Variants in KCNH7 observed in about 807,000 individuals in gnomAD.
The protein encoded by KCNH7 is potassium voltage-gated channel subfamily H member 7.
KCNH7 carries 49 observed loss-of-function variants against 120.8 expected under a neutral mutation model. The observed-to-expected ratio is 0.41, with a 90% CI of 0.32 to 0.51. The LOEUF (loss-of-function observed/expected upper bound fraction) is 0.51, where lower values mean the gene tolerates loss of function less well. KCNH7 is among the 20% of genes least tolerant of loss of function. KCNH7 has a pLI of 0.38. For synonymous variants in KCNH7, 547 were observed against 516.1 expected, an observed-to-expected ratio of 1.06 and a Z score of -0.81; for missense variants, 1,097 against 1,446.6, an observed-to-expected ratio of 0.76 and a Z score of 3.92.
chr2:162,556,976 T>C (rs1004300068), intron 2 of KCNH7, among the ~76,000 whole-genome samples: 4 of 152,204 alleles, frequency 2.6e-5, no homozygotes, highest in Non-Finnish European at 5.9e-5. Context: ...AGCAGATCAG[T>C]TGGTGTTCTG....
intron 6 of KCNH7, among the ~76,000 whole-genome samples, chr2:162,463,043 C>T (rs78038088): frequency 0.037 from 5,696 of 152,006 alleles, 161 homozygotes; most frequent in Non-Finnish European, 0.055. Context: ...CTTACTTGGT[C>T]GGGCCAGGTC....
intron 2 of KCNH7, among the ~76,000 whole-genome samples, chr2:162,816,512 C>T (rs1310803227): frequency 1.3e-5 from 2 of 152,096 alleles, no homozygotes; most frequent in Non-Finnish European, 2.9e-5. Context: ...CTATTTGCCA[C>T]TTAAGAATAA....
intron 2 of KCNH7, among the ~76,000 whole-genome samples, chr2:162,816,788 C>CTAT (rs1319852733): frequency 6.6e-6 from 1 of 152,036 alleles, no homozygotes; most frequent in Non-Finnish European, 1.5e-5. Context: ...CCCTGATTTC[C>CTAT]TAAATCATGA....
At chr2:162,603,481 G>T (rs1384639570) in intron 2 of KCNH7, among the ~76,000 whole-genome samples, 1 of 151,932 alleles carries the variant, frequency 6.6e-6, no homozygotes, top group Admixed American at 6.6e-5. Flanking sequence ...TTATTGAAAG[G>T]TGCAAAAAGT....
intron 6 of KCNH7, among the ~76,000 whole-genome samples, chr2:162,462,874 C>T (rs1225542717): frequency 2.0e-5 from 3 of 152,056 alleles, no homozygotes; most frequent in African/African-American, 7.2e-5. Flanking sequence ...CATAAATATA[C>T]ATAATTATTA....
At chr2:162,745,610 A>G (rs2060449) in intron 2 of KCNH7, among the ~76,000 whole-genome samples, 5,251 of 152,252 alleles carry the variant, frequency 0.034, 324 homozygotes, top group African/African-American at 0.12. Flanking sequence ...AAAAATCAAT[A>G]GTCACCACAG....
intron 2 of KCNH7, among the ~76,000 whole-genome samples, chr2:162,581,920 A>G (rs1384432751): frequency 6.6e-6 from 1 of 152,110 alleles, no homozygotes; most frequent in African/African-American, 2.4e-5. Flanking sequence ...TACTCATGTT[A>G]AAAGGATAAA....
At chr2:162,618,997 C>A (rs1245556441) in intron 2 of KCNH7, among the ~76,000 whole-genome samples, 1 of 152,110 alleles carries the variant, frequency 6.6e-6, no homozygotes, top group Admixed American at 6.5e-5. Context: ...CCTCTAGACT[C>A]AGAGACAAAG....
intron 2 of KCNH7, among the ~76,000 whole-genome samples, chr2:162,585,667 G>C (rs912601800): frequency 6.6e-6 from 1 of 151,468 alleles, no homozygotes; most frequent in Non-Finnish European, 1.5e-5. Context: ...ACAGTATAAA[G>C]CATTAATTTT....
intron 2 of KCNH7, among the ~76,000 whole-genome samples, chr2:162,544,089 T>G (rs1437006854): frequency 1.3e-5 from 2 of 152,118 alleles, no homozygotes; most frequent in Admixed American, 6.6e-5. Flanking sequence ...CCTTTTATCA[T>G]GTAATAGGTA....
chr2:162,723,835 A>G (rs1687418123), intron 2 of KCNH7, among the ~76,000 whole-genome samples: 2 of 152,202 alleles, frequency 1.3e-5, no homozygotes, highest in African/African-American at 4.8e-5. Context: ...GCACATTAAT[A>G]CCTTACTTTT....
At chr2:162,690,770 T>C (rs1209580750) in intron 2 of KCNH7, among the ~76,000 whole-genome samples, 1 of 152,158 alleles carries the variant, frequency 6.6e-6, no homozygotes, top group Non-Finnish European at 1.5e-5. Context: ...TCTCAGATAA[T>C]TGGCATGTTA....
At chr2:162,821,594 C>T (rs181655724) in intron 2 of KCNH7, among the ~76,000 whole-genome samples, 1 of 152,206 alleles carries the variant, frequency 6.6e-6, no homozygotes, top group African/African-American at 2.4e-5. Flanking sequence ...TTCAGAGTGT[C>T]TACATATCCA....
intron 2 of KCNH7, among the ~76,000 whole-genome samples, chr2:162,747,637 T>C (rs1360031266): frequency 9.2e-5 from 14 of 152,240 alleles, no homozygotes; most frequent in Non-Finnish European, 1.5e-5. Flanking sequence ...GGCTTGCTAA[T>C]TGAAATCACT....
At chr2:162,517,146 G>T (rs547668615) in intron 4 of KCNH7, among the ~76,000 whole-genome samples, 23 of 151,838 alleles carry the variant, frequency 1.5e-4, no homozygotes, top group Non-Finnish European at 3.4e-4. Flanking sequence ...GTTCAAAGAG[G>T]CCAGGGAGAA....
intron 2 of KCNH7, among the ~76,000 whole-genome samples, chr2:162,819,522 A>G (rs1685030392): frequency 6.6e-6 from 1 of 152,210 alleles, no homozygotes; most frequent in African/African-American, 2.4e-5. Context: ...TGTAGGTCAG[A>G]GTATTTTTTG....
chr2:162,652,263 C>A (rs549857038), intron 2 of KCNH7, among the ~76,000 whole-genome samples: 2 of 152,162 alleles, frequency 1.3e-5, no homozygotes, highest in Non-Finnish European at 2.9e-5. Flanking sequence ...ACTTTTGAAG[C>A]CTTTAACTTA....
chr2:162,518,034 G>T lies in KCNH7; in HGVS notation c.588C>A (p.Ala196=), dbSNP rs898332451. 6.2e-7 allele frequency: 1 copy of T among 1,612,300 alleles called. No homozygotes were observed. Among genetic ancestry groups the T allele is most frequent in the African/African-American group, 1.3e-5 (1 of 74,768 alleles). Residue 196 remains alanine (A), a synonymous_variant, in exon 4 of 16, where the codon GCC becomes GCA. Transcript: ENST00000332142. Reference sequence around the variant, plus strand: ...TTGTAGGAGACTTAAAATGCTTCATGGCTACTGAATCATCACTGTGTTTAG... The same window carrying T: ...TTGTAGGAGACTTAAAATGCTTCATTGCTACTGAATCATCACTGTGTTTAG... The part of the protein sequence containing the change: ...DSSKHSDDSV[A]MKHFKSPTKE...
chr2:162,836,903 G>A (rs1313596866), intron 1 of KCNH7, 136 bp from the exon 2 acceptor site: 4 of 564,940 alleles, frequency 7.1e-6, no homozygotes, highest in African/African-American at 1.9e-5. Context: ...CAGCCCTTAT[G>A]AAAAAAGAAA....
Sources: allele counts gnomAD v4.1 joint callset (sites outside exome capture counted in the v4.1 genomes callset), GRCh38; gene constraint gnomAD v4.1.1; transcripts MANE v1.5; gene names NCBI Gene and HGNC (gene_info 2026-07-23, HGNC 2026-07-21).